Variants in CATSPERE observed in about 807,000 individuals in gnomAD.
CATSPERE encodes the protein cation channel sperm-associated auxiliary subunit epsilon.
A neutral mutation model predicts 114.1 loss-of-function variants in CATSPERE; 93 were observed. That is an observed-to-expected ratio of 0.81 (90% CI 0.69 to 0.97). CATSPERE has a LOEUF of 0.97. Ranked by LOEUF, CATSPERE falls within the 50% of genes least tolerant of loss-of-function variation. The pLI is 0.00. For synonymous variants in CATSPERE, 341 were observed against 384.1 expected (o/e 0.89, Z 1.31); for missense variants, 1,058 against 1,131.6 (o/e 0.93, Z 0.93).
At chr1:244,638,763 C>T (rs1349445961) in intron 21 of CATSPERE, among the ~76,000 whole-genome samples, 3 of 152,192 alleles carry the variant, frequency 2.0e-5, no homozygotes, top group Non-Finnish European at 4.4e-5. Context: ...TTTATTCCTT[C>T]ATATTTCTCA....
In CATSPERE at chr1:244,568,405, T is replaced by A. The variant is rs1207087317; in HGVS notation, c.1508-3925T>A. Among the ~76,000 whole-genome samples, 1 of 152,228 alleles carries A rather than the reference T, an allele frequency of 6.6e-6. No individual in the cohort carries two copies. The highest frequency in any genetic ancestry group is 2.4e-5 in the African/African-American group (1 of 41,470). On this transcript the variant is annotated intron_variant, in intron 10 of 21. Coordinates refer to ENST00000366534, the MANE Select transcript of CATSPERE (RefSeq NM_001130957.2). The surrounding 1 kb of genome is among the most constrained non-coding windows in gnomAD (Gnocchi z 4.4). ...GACCCACTGCTTCTTCAGAGCTGGC[T>A]CACAGGAACGTTTAAGTCTGCTGAA...
At chr1:244,586,194 T>C (rs1667000507) in intron 13 of CATSPERE, among the ~76,000 whole-genome samples, 1 of 152,158 alleles carries the variant, frequency 6.6e-6, no homozygotes, top group Non-Finnish European at 1.5e-5. Context: ...GGAAACAGGA[T>C]TATTTGTGCT....
Position 244,635,551 on chromosome 1 carries a change from C to G in CATSPERE, c.2702+9C>G. On this transcript the variant is annotated intron_variant, in intron 21 of 21. Transcript: ENST00000366534. ...TTTGGACTGATTCCCAGGTAAGGAG[C>G]AGGGCCTAACTGGACTTTAATTAGG... is the stretch of plus-strand genomic sequence containing the variant. The G allele has an allele frequency of 6.2e-7, 1 of 1,605,210 alleles. No homozygotes were observed. Among genetic ancestry groups the G allele is most frequent in the African/African-American group, 1.3e-5 (1 of 74,810 alleles).
intron 5 of CATSPERE, among the ~76,000 whole-genome samples, chr1:244,484,408 A>T (rs1444697340): frequency 6.6e-6 from 1 of 152,192 alleles, no homozygotes. Flanking sequence ...GATAACACCC[A>T]CTTCTGGTGA....
At chr1:244,456,256 C>G (rs949234411) in intron 1 of CATSPERE, among the ~76,000 whole-genome samples, 4 of 152,008 alleles carry the variant, frequency 2.6e-5, no homozygotes, top group Non-Finnish European at 5.9e-5. Flanking sequence ...AAGCGGCACC[C>G]TTAATTTTAA....
intron 7 of CATSPERE, chr1:244,515,391 C>T (rs1183867244): frequency 1.8e-5 from 15 of 845,900 alleles, no homozygotes; most frequent in Non-Finnish European, 2.0e-5. Flanking sequence ...AGGCAAGCCT[C>T]AAGGCAGCAG....
intron 6 of CATSPERE, among the ~76,000 whole-genome samples, chr1:244,496,511 G>A (rs552937905): frequency 6.6e-6 from 1 of 152,210 alleles, no homozygotes; most frequent in South Asian, 2.1e-4. Flanking sequence ...GAGTACAAAA[G>A]CAAAGATAAT....
At chr1:244,554,791 C>G (rs926511309) in intron 9 of CATSPERE, among the ~76,000 whole-genome samples, 10 of 152,012 alleles carry the variant, frequency 6.6e-5, no homozygotes, top group African/African-American at 2.2e-4. Context: ...CAAGACCACC[C>G]TTACCCTGAT....
chr1:244,620,760 T>C (rs1460641288), intron 20 of CATSPERE, among the ~76,000 whole-genome samples: 2 of 151,632 alleles, frequency 1.3e-5, no homozygotes, highest in Non-Finnish European at 2.9e-5. Context: ...AGGCCAGGAA[T>C]TCCGAAAAAG....
intron 9 of CATSPERE, among the ~76,000 whole-genome samples, chr1:244,554,419 C>T (rs534524207): frequency 5.3e-5 from 8 of 152,224 alleles, no homozygotes; most frequent in African/African-American, 1.9e-4. Flanking sequence ...AGTTGCAGCA[C>T]TTCGGGAGGC....
intron 11 of CATSPERE, among the ~76,000 whole-genome samples, chr1:244,580,193 T>C (rs1665954282): frequency 6.6e-6 from 1 of 150,958 alleles, no homozygotes; most frequent in South Asian, 2.1e-4. Context: ...CATGCCACCA[T>C]GCCTGGCTAA....
Position 244,573,882 on chromosome 1 carries a change from G to T in CATSPERE, c.1950+1110G>T, listed in dbSNP as rs773287081. ...GTGTTATAAGTAAAATGTTTACTTAGAAACAGAATGCTTGTTCTTTGGTAC... is the reference window on the plus strand; with the variant it reads ...GTGTTATAAGTAAAATGTTTACTTATAAACAGAATGCTTGTTCTTTGGTAC... On this transcript the variant is annotated intron_variant, in intron 11 of 21. Transcript: ENST00000366534. This position sits in a 1 kb window ranked among gnomAD's most constrained non-coding sequence, Gnocchi z 4.0. Among the ~76,000 whole-genome samples, 4 of 152,172 alleles carry T rather than the reference G, an allele frequency of 2.6e-5. No homozygotes were observed. The highest frequency in any genetic ancestry group is 5.9e-5 in the Non-Finnish European group (4 of 68,028).
In CATSPERE at chr1:244,504,721, G is replaced by A. The variant is rs1297863488; in HGVS notation, c.429+5642G>A. Among the ~76,000 whole-genome samples the A allele has an allele frequency of 6.6e-6, 1 of 152,194 alleles. No individual in the cohort carries two copies. The highest frequency in any genetic ancestry group is 6.5e-5 in the Admixed American group (1 of 15,286). On this transcript the variant is annotated intron_variant, in intron 7 of 21. Coordinates refer to ENST00000366534, the MANE Select transcript of CATSPERE (RefSeq NM_001130957.2). This position sits in a 1 kb window ranked among gnomAD's most constrained non-coding sequence, Gnocchi z 4.1. ...GTTAGGTGTTTCAGGCAGGAAGACCGCAGAAGTAAAGTGGCATTCCCATTA... is the reference window on the plus strand; with the variant it reads ...GTTAGGTGTTTCAGGCAGGAAGACCACAGAAGTAAAGTGGCATTCCCATTA...
rs376544577 is a variant in CATSPERE, at chr1:244,463,933, C to T, written c.91C>T (p.Arg31Cys). 9.7e-5 allele frequency: 155 copies of T among 1,602,620 alleles called. No individual in the cohort carries two copies. The highest frequency in any genetic ancestry group is 1.2e-4 in the Non-Finnish European group (146 of 1,170,032). ...GTATTCCACTAACAGCCCAAACTAT[C>T]GCATTTTTAGTACCAGAAGTACTGT... ...WRYSTNSPNYRIFSTRSTIKL... is the reference protein window; with the variant it reads ...WRYSTNSPNYCIFSTRSTIKL... Residue 31 changes from arginine (R) to cysteine (C), a missense_variant, in exon 2 of 22, where the codon CGC (arginine) becomes TGC (cysteine). Transcript: ENST00000366534.
In CATSPERE at chr1:244,633,047, T is replaced by C. The variant is rs910769965; in HGVS notation, c.2649-2442T>C. On this transcript the variant is annotated intron_variant, in intron 20 of 21. Coordinates refer to ENST00000366534, the MANE Select transcript of CATSPERE (RefSeq NM_001130957.2). This position sits in a 1 kb window ranked among gnomAD's most constrained non-coding sequence, Gnocchi z 4.1. ...AACAAGGAAGGTATAAAGAGACACA[T>C]TACATAATGATAAAGAAGGTGTAAT... Among the ~76,000 whole-genome samples the C allele has an allele frequency of 2.0e-5, 3 of 152,172 alleles. No individual in the cohort carries two copies. The highest frequency in any genetic ancestry group is 6.5e-5 in the Admixed American group (1 of 15,274).
intron 2 of CATSPERE, among the ~76,000 whole-genome samples, chr1:244,474,298 C>T (rs560522706): frequency 2.2e-4 from 33 of 152,208 alleles, no homozygotes; most frequent in African/African-American, 7.5e-4. Flanking sequence ...TTCCAAAGTA[C>T]TGGGATTATA....
At chr1:244,581,916 G>A in intron 12 of CATSPERE, 62 bp downstream of exon 12, 2 of 717,584 alleles carry the variant, frequency 2.8e-6, no homozygotes, top group Non-Finnish European at 4.5e-6. Context: ...TTATTGATTT[G>A]TGGGTGTTCT....
At chr1:244,485,960 C>T (rs992266516) in intron 5 of CATSPERE, among the ~76,000 whole-genome samples, 6 of 151,730 alleles carry the variant, frequency 4.0e-5, no homozygotes, top group African/African-American at 1.5e-4. Context: ...CCTCCAAAAG[C>T]ACTGGGAGCC....
chr1:244,483,867 A>G (rs1216093499), intron 5 of CATSPERE, among the ~76,000 whole-genome samples: 4 of 152,116 alleles, frequency 2.6e-5, no homozygotes, highest in African/African-American at 9.7e-5. Context: ...AATCTATTTA[A>G]GAAATCTTTT....
Sources: allele counts gnomAD v4.1 joint callset (sites outside exome capture counted in the v4.1 genomes callset), GRCh38; gene constraint gnomAD v4.1.1; non-coding constraint Gnocchi (gnomAD v3.1); transcripts MANE v1.5; gene names NCBI Gene and HGNC (gene_info 2026-07-23, HGNC 2026-07-21).